RAB36: variants seen among roughly 807,000 people sequenced by gnomAD.
The protein encoded by RAB36 is RAB36, member RAS oncogene family.
Under a neutral mutation model 39.3 loss-of-function variants are expected in RAB36, and 33 were observed. The ratio of observed to expected loss-of-function variants is 0.84; its 90% CI spans 0.64 to 1.12. RAB36 has a LOEUF of 1.12. RAB36 is among the 50% of genes most tolerant of loss of function. The pLI, the probability that RAB36 is intolerant of heterozygous loss-of-function variation, is 0.00. For missense variants in RAB36, 308 were observed against 355.3 expected (o/e 0.87, Z 1.07); for synonymous variants, 133 against 140.2 (o/e 0.95, Z 0.36).
intron 9 of RAB36, 46 bp from the exon 10 acceptor site, chr22:23,160,833 C>T: frequency 6.3e-7 from 1 of 1,589,892 alleles, no homozygotes; most frequent in Non-Finnish European, 8.6e-7. Context: ...CATTAAGGGG[C>T]AAGGAGAAAC....
upstream of RAB36, chr22:23,145,351 C>T (rs781690189): frequency 3.1e-6 from 5 of 1,601,262 alleles, no homozygotes; most frequent in South Asian, 1.1e-5. Context: ...AGACTCCAGG[C>T]AGGTTCTCGT....
At position 23,163,860 on chromosome 22, in the gene RAB36, C is replaced by A. The variant is rs1181717391; in HGVS notation, c.*2296C>A. On this transcript the variant is annotated 3_prime_UTR_variant, in exon 11 of 11. Coordinates refer to ENST00000263116, the MANE Select transcript of RAB36 (RefSeq NM_004914.5). ...CTTCCTAGGGAGCTGGCGCCAAGGC[C>A]TCTCCCTGATGGCACACAAGGAGCC... is the stretch of plus-strand genomic sequence containing the variant. 4.6e-5 allele frequency: 7 copies of A among 152,228 alleles called. No homozygotes were observed. The highest frequency in any genetic ancestry group is 8.8e-5 in the Non-Finnish European group (6 of 68,044). The allele number at this position is 152,228 out of a possible 1,614,324, so 9.4% of individuals were successfully genotyped here.
intron 1 of RAB36, chr22:23,146,029 A>G (rs2070751613): frequency 1.0e-6 from 1 of 984,566 alleles, no homozygotes; most frequent in Non-Finnish European, 1.2e-6. Context: ...CAGCCCAGTA[A>G]GGTAAGCTCA....
chr22:23,153,246 C>T, intron 5 of RAB36, 112 bp downstream of exon 5: 1 of 822,012 alleles, frequency 1.2e-6, no homozygotes, highest in Non-Finnish European at 2.0e-6. Flanking sequence ...TCTAGACAAG[C>T]AGAGCCTGGG....
chr22:23,156,047 A>G lies in RAB36; in HGVS notation c.394+15A>G. The stretch of plus-strand genomic sequence containing the variant: ...GGGTGCCCAGGGTGAGCAACATGCC[A>G]CGTCGGGGCTCAACTGCATGCAGCA... On this transcript the variant is annotated intron_variant, in intron 6 of 10. Coordinates refer to ENST00000263116, the MANE Select transcript of RAB36 (RefSeq NM_004914.5). The G allele has an allele frequency of 3.1e-6, 5 of 1,607,746 alleles. No individual in the cohort carries two copies. In the South Asian group the frequency reaches 5.5e-5, roughly 18 times the overall value.
In RAB36 at chr22:23,153,757, C is replaced by T. The variant is rs953469202; in HGVS notation, c.329+623C>T. On this transcript the variant is annotated intron_variant, in intron 5 of 10. Transcript: ENST00000263116. ...TGTCACCCAGGCTGGAGTGCAGTGG[C>T]GCAATCTCAGCTCACTGCAACCTCC... is the stretch of plus-strand genomic sequence containing the variant. 3.2e-4 allele frequency among the ~76,000 whole-genome samples: 43 copies of T among 133,366 alleles called. 1 individual carries two copies. In the Middle Eastern group the frequency reaches 0.014, roughly 45 times the overall value. The allele number at this position is 133,366 out of a possible 152,430, so 87.5% of individuals were successfully genotyped here. A position where few individuals can be genotyped will look rare whatever the true frequency, so the allele number is the denominator to read the frequency against.
Position 23,161,630 on chromosome 22 carries a change from T to C in RAB36, c.*66T>C. 7.2e-7 allele frequency: 1 copy of C among 1,396,578 alleles called. No individual in the cohort carries two copies. Among genetic ancestry groups the C allele is most frequent in the Non-Finnish European group, 9.9e-7 (1 of 1,014,114 alleles). 86.5% of individuals were successfully genotyped at this position (1,396,578 alleles called of 1,614,324 possible). ...CGGACAGGAATTTCCGTGACTGTGG[T>C]GTGGAGACTGGAGCCCAAGCTCTGC... On this transcript the variant is annotated 3_prime_UTR_variant, in exon 11 of 11. Transcript: ENST00000263116.
chr22:23,152,049 C>T (rs1246172102), intron 3 of RAB36, among the ~76,000 whole-genome samples: 1 of 152,218 alleles, frequency 6.6e-6, no homozygotes, highest in Non-Finnish European at 1.5e-5. Flanking sequence ...TCCCTTTTGC[C>T]GGGGTCTCCC....
intron 3 of RAB36, among the ~76,000 whole-genome samples, 180 bp downstream of exon 3, chr22:23,150,334 C>G (rs918698618): frequency 6.9e-6 from 1 of 145,468 alleles, no homozygotes; most frequent in Admixed American, 6.9e-5. Flanking sequence ...CAGAGTCTCG[C>G]TCTGTCGCCC....
At chr22:23,146,284 C>G (rs2070765523) in intron 1 of RAB36, among the ~76,000 whole-genome samples, 1 of 152,220 alleles carries the variant, frequency 6.6e-6, no homozygotes, top group Non-Finnish European at 1.5e-5. Context: ...TCACGGTTCA[C>G]TGCACCCTTG....
In RAB36 at chr22:23,163,950, C is replaced by T. The variant is rs561455564; in HGVS notation, c.*2386C>T. On this transcript the variant is annotated 3_prime_UTR_variant, in exon 11 of 11. Coordinates refer to ENST00000263116, the MANE Select transcript of RAB36 (RefSeq NM_004914.5). ...TGTAGTTCATTTGACCCTCCCCATC[C>T]GCGGGCCATCCGGCTTGTGTCCAGC... is the stretch of plus-strand genomic sequence containing the variant. 1 of 152,400 alleles carries T rather than the reference C, an allele frequency of 6.6e-6. No individual in the cohort carries two copies. The highest frequency in any genetic ancestry group is 2.4e-5 in the African/African-American group (1 of 41,578). The allele number at this position is 152,400 out of a possible 1,614,324, so 9.4% of individuals were successfully genotyped here.
At chr22:23,158,238 G>A (rs1472057937) in intron 7 of RAB36, among the ~76,000 whole-genome samples, 195 bp downstream of exon 7, 1 of 152,212 alleles carries the variant, frequency 6.6e-6, no homozygotes, top group African/African-American at 2.4e-5. Context: ...CTATTCTGGA[G>A]GAGCCAGCAC....
intron 7 of RAB36, 147 bp from the exon 8 acceptor site, chr22:23,158,751 T>C: frequency 1.1e-5 from 8 of 703,240 alleles, no homozygotes; most frequent in Non-Finnish European, 2.0e-5. Context: ...AGGTGCAGCA[T>C]CCTGCTCAGC....
At chr22:23,155,096 G>C (rs1164711782) in intron 5 of RAB36, among the ~76,000 whole-genome samples, 2 of 152,104 alleles carry the variant, frequency 1.3e-5, no homozygotes, top group Non-Finnish European at 2.9e-5. Flanking sequence ...TTACACTCTA[G>C]CCTGGGCAAT....
chr22:23,162,293 A>G lies in RAB36; in HGVS notation c.*729A>G. 4.0e-6 allele frequency: 1 copy of G among 250,224 alleles called. No individual in the cohort carries two copies. Among genetic ancestry groups the G allele is most frequent in the Non-Finnish European group, 8.0e-6 (1 of 125,450 alleles). 15.5% of individuals were successfully genotyped at this position (250,224 alleles called of 1,614,324 possible). ...GCCAGGATGTGCAGAACAACCACTCAGGCCTTTCTGGCCCACCTGGACAGT... is the reference window on the plus strand; with the variant it reads ...GCCAGGATGTGCAGAACAACCACTCGGGCCTTTCTGGCCCACCTGGACAGT... On this transcript the variant is annotated 3_prime_UTR_variant, in exon 11 of 11. Coordinates refer to ENST00000263116, the MANE Select transcript of RAB36 (RefSeq NM_004914.5).
rs1235737873 is a variant in RAB36 at position 23,156,009 on chromosome 22, C to T, written c.371C>T (p.Ser124Phe). ...CAGGAGAAGTTCAAGTGCATCGCAT[C>T]TGCCTACTACCGGGGTGCCCAGGGT... ...AGQEKFKCIA[S>F]AYYRGAQVII... is the part of the protein sequence containing the mutation. Residue 124 changes from serine (S) to phenylalanine (F), a missense_variant, in exon 6 of 11, where the codon TCT becomes TTT. Coordinates refer to ENST00000263116, the MANE Select transcript of RAB36 (RefSeq NM_004914.5). The T allele has an allele frequency of 1.2e-6, 2 of 1,612,862 alleles. No individual in the cohort carries two copies. Among genetic ancestry groups the T allele is most frequent in the African/African-American group, 1.3e-5 (1 of 74,910 alleles).
At chr22:23,149,563 G>A (rs978293782) in intron 2 of RAB36, among the ~76,000 whole-genome samples, 7 of 152,130 alleles carry the variant, frequency 4.6e-5, no homozygotes, top group African/African-American at 1.4e-4. Flanking sequence ...TTAGAGACAG[G>A]GTCTCACTCT....
intron 6 of RAB36, chr22:23,156,234 T>C (rs2071445739): frequency 1.9e-6 from 1 of 536,936 alleles, no homozygotes; most frequent in Non-Finnish European, 3.4e-6. Flanking sequence ...ATCACACCCT[T>C]TAAGGACCCT....
chr22:23,149,324 G>C (rs1451962654), intron 2 of RAB36, among the ~76,000 whole-genome samples: 2 of 152,154 alleles, frequency 1.3e-5, no homozygotes, highest in Non-Finnish European at 2.9e-5. Context: ...AAAAAATAAT[G>C]GTCATCTTTA....
Sources: gnomAD v4.1 joint callset for allele counts (sites outside exome capture counted in the v4.1 genomes callset) on GRCh38, gnomAD v4.1.1 for gene constraint, MANE v1.5 for transcripts, NCBI Gene and HGNC (gene_info 2026-07-23, HGNC 2026-07-21) for gene names.